RNF141: variants seen among roughly 807,000 people sequenced by gnomAD.
RNF141 encodes the protein ring finger protein 141, also known as C3HC4-like zinc finger protein.
Under a neutral mutation model 27.4 loss-of-function variants are expected in RNF141, and 18 were observed. That is an observed-to-expected ratio of 0.66 (90% CI 0.45 to 0.97). RNF141 has a LOEUF of 0.97. Among genes scored for constraint, RNF141 ranks in the 50% least tolerant of loss-of-function variants. RNF141 has a pLI of 0.00. For missense variants in RNF141, 230 were observed against 279.4 expected (o/e 0.82, Z 1.26); for synonymous variants, 97 against 96.6 (o/e 1.00, Z -0.02).
chr11:10,536,384 G>A (rs561788180), intron 1 of RNF141, among the ~76,000 whole-genome samples: 1 of 152,058 alleles, frequency 6.6e-6, no homozygotes, highest in Non-Finnish European at 1.5e-5. Flanking sequence ...ACCAAGAGTT[G>A]GGCTGTTTAA....
At position 10,532,681 on chromosome 11, in the gene RNF141, A is replaced by T. The variant is rs865823084; in HGVS notation, c.143+1335T>A. On this transcript the variant is annotated intron_variant, in intron 2 of 5. Transcript: ENST00000265981. Reference sequence around the variant, plus strand: ...ATAAAGACAGTATGTCTTCACATAAAGACAGTATATCAAGCTTATCTAATA... The same window carrying T: ...ATAAAGACAGTATGTCTTCACATAATGACAGTATATCAAGCTTATCTAATA... Among the ~76,000 whole-genome samples, 28 of 152,326 alleles carry T rather than the reference A, an allele frequency of 1.8e-4. No individual in the cohort carries two copies. In the South Asian group the frequency reaches 2.5e-3, roughly 14 times the overall value.
At chr11:10,525,408 A>G (rs1431543188) in intron 3 of RNF141, 35 bp from the exon 4 acceptor site, 1 of 1,510,294 alleles carries the variant, frequency 6.6e-7, no homozygotes, top group Admixed American at 2.1e-5. Flanking sequence ...AGAAAAGTTG[A>G]TCATTTCTCT....
At chr11:10,520,417 C>T (rs940421696) in intron 4 of RNF141, among the ~76,000 whole-genome samples, 3 of 152,088 alleles carry the variant, frequency 2.0e-5, no homozygotes, top group South Asian at 2.1e-4. Context: ...GCCTAAACAG[C>T]GTCAGGATCA....
At chr11:10,519,828 A>AGGTGAGTC (rs1314876854) in intron 4 of RNF141, among the ~76,000 whole-genome samples, 19 of 152,340 alleles carry the variant, frequency 1.2e-4, no homozygotes, top group Non-Finnish European at 2.5e-4. Flanking sequence ...AAGTTGCTCT[A>AGGTGAGTC]GGTGAGTCAG....
intron 1 of RNF141, among the ~76,000 whole-genome samples, chr11:10,538,128 C>T (rs1850053850): frequency 6.6e-6 from 1 of 152,210 alleles, no homozygotes; most frequent in African/African-American, 2.4e-5. Flanking sequence ...GCATTGTTTT[C>T]ATCTGCTGCC....
chr11:10,539,311 G>T (rs1454712967), intron 1 of RNF141, among the ~76,000 whole-genome samples: 2 of 151,992 alleles, frequency 1.3e-5, no homozygotes, highest in Non-Finnish European at 2.9e-5. Context: ...AAATGGAAAA[G>T]GCTGAAAATG....
At chr11:10,528,813 G>A (rs532132831) in intron 3 of RNF141, among the ~76,000 whole-genome samples, 1 of 152,234 alleles carries the variant, frequency 6.6e-6, no homozygotes, top group African/African-American at 2.4e-5. Context: ...ATTACAGCCT[G>A]TAAGAGATAC....
chr11:10,518,737 TGAG>T (rs1849862139), intron 5 of RNF141: 5 of 261,078 alleles, frequency 1.9e-5, no homozygotes, highest in Non-Finnish European at 3.7e-5. Context: ...AATGTAGAAA[TGAG>T]GAGAAAAAAA....
chr11:10,520,519 C>T (rs1447246414), intron 4 of RNF141, among the ~76,000 whole-genome samples: 1 of 152,210 alleles, frequency 6.6e-6, no homozygotes, highest in Non-Finnish European at 1.5e-5. Flanking sequence ...CCTTTGATAA[C>T]AATGCCTTCT....
chr11:10,528,728 AAG>A (rs1198377114), intron 3 of RNF141, among the ~76,000 whole-genome samples: 2 of 152,218 alleles, frequency 1.3e-5, no homozygotes, highest in African/African-American at 4.8e-5. Context: ...GTCATTTAAA[AAG>A]AGAGTATTAT....
intron 5 of RNF141, chr11:10,516,857 A>G (rs192346500): frequency 6.6e-6 from 1 of 152,380 alleles, no homozygotes; most frequent in African/African-American, 2.4e-5. Context: ...GCAAGATCCA[A>G]AAGAATCAAA....
At position 10,513,246 on chromosome 11, in the gene RNF141, C is replaced by A. The variant is rs1849816010; in HGVS notation, c.*1670G>T. 1 of 152,236 alleles carries A rather than the reference C, an allele frequency of 6.6e-6. No individual in the cohort carries two copies. Among genetic ancestry groups the A allele is most frequent in the African/African-American group, 2.4e-5 (1 of 41,456 alleles). The allele number at this position is 152,236 out of a possible 1,614,324, so 9.4% of individuals were successfully genotyped here. A position where few individuals can be genotyped will look rare whatever the true frequency, so the allele number is the denominator to read the frequency against. On this transcript the variant is annotated 3_prime_UTR_variant, in exon 6 of 6. Transcript: ENST00000265981. ...CAGTATTTTTGGGGGCGAAATCAAG[C>A]TACCCCTGGCCAGATGTTTTTCCTT...
chr11:10,540,720 GGCTACGCCGCCTCAGCCCCTCCTC>G (rs1850091528), intron 1 of RNF141: 1 of 152,398 alleles, frequency 6.6e-6, no homozygotes, highest in African/African-American at 2.4e-5. Flanking sequence ...CGCTCGCTCT[GGCTACGCCGCCTCAGCCCCTCCTC>G]AAGCGCACCT....
chr11:10,522,538 TG>T (rs764816495), intron 4 of RNF141, among the ~76,000 whole-genome samples: 1 of 152,168 alleles, frequency 6.6e-6, no homozygotes, highest in East Asian at 1.9e-4. Context: ...AAAGACCATC[TG>T]GGAAAGCCTC....
At chr11:10,530,049 C>T (rs1448303919) in intron 3 of RNF141, among the ~76,000 whole-genome samples, 2 of 151,926 alleles carry the variant, frequency 1.3e-5, no homozygotes, top group Non-Finnish European at 2.9e-5. Context: ...GTTTTAGAGC[C>T]GGGGTGGGGA....
chr11:10,539,699 T>TATATATATATA (rs56298076), intron 1 of RNF141, among the ~76,000 whole-genome samples: 10 of 73,680 alleles, frequency 1.4e-4, no homozygotes, highest in African/African-American at 2.7e-4. Context: ...TACATATATA[T>TATATATATATA]TAGAGAGAGA....
In RNF141 at chr11:10,519,092, G is replaced by A. The variant is rs200883825; in HGVS notation, c.484C>T (p.Arg162Trp). ...GCACAAGGCAGGATGAGGTCAGCCCGCCCATCCATACAGATACAACACTCC... is the reference window on the plus strand; with the variant it reads ...GCACAAGGCAGGATGAGGTCAGCCCACCCATCCATACAGATACAACACTCC... ...EEECCICMDG[R>W]ADLILPCAHS... The change falls in exon 5 of 6, where the codon CGG becomes TGG. Residue 162 changes from arginine to tryptophan, a missense_variant. Transcript: ENST00000265981. 3.5e-5 allele frequency: 57 copies of A among 1,613,900 alleles called. No homozygotes were observed. In the East Asian group the frequency reaches 8.2e-4, roughly 23 times the overall value.
Position 10,539,741 on chromosome 11 carries a change from C to T in RNF141, c.-48+1381G>A, listed in dbSNP as rs368635809. Among the ~76,000 whole-genome samples the T allele has an allele frequency of 8.9e-4, 58 of 64,942 alleles. 2 individuals are homozygous for T. The highest frequency in any genetic ancestry group is 0.011 in the Middle Eastern group (1 of 90). 42.6% of individuals were successfully genotyped at this position (64,942 alleles called of 152,430 possible). On this transcript the variant is annotated intron_variant, in intron 1 of 5. Coordinates refer to ENST00000265981, the MANE Select transcript of RNF141 (RefSeq NM_016422.4). ...GAGAAACTACAAAAGGATAGAGTGC[C>T]GTACTAGGAGATTAAGAATATGGAT...
At chr11:10,535,854 T>A (rs992951496) in intron 1 of RNF141, among the ~76,000 whole-genome samples, 1 of 152,228 alleles carries the variant, frequency 6.6e-6, no homozygotes, top group African/African-American at 2.4e-5. Context: ...TTTTTCTTGA[T>A]CGAATCCAAA....
Sources: gnomAD v4.1 joint callset for allele counts (sites outside exome capture counted in the v4.1 genomes callset) on GRCh38, gnomAD v4.1.1 for gene constraint, MANE v1.5 for transcripts, NCBI Gene and HGNC (gene_info 2026-07-23, HGNC 2026-07-21) for gene names.